Variants in ZNF536 observed in about 807,000 individuals in gnomAD.
ZNF536 encodes the protein zinc finger protein 536.
ZNF536 carries 13 observed loss-of-function variants against 84.5 expected under a neutral mutation model. The ratio of observed to expected loss-of-function variants is 0.15; its 90% CI spans 0.10 to 0.24. The LOEUF (loss-of-function observed/expected upper bound fraction) is 0.24. ZNF536 is among the 10% of genes least tolerant of loss of function. ZNF536 has a pLI of 1.00. For missense variants in ZNF536, 1,536 were observed against 1,747.5 expected (o/e 0.88, Z 2.16); for synonymous variants, 811 against 742.5 (o/e 1.09, Z -1.50).
intron 2 of ZNF536, among the ~76,000 whole-genome samples, chr19:30,519,202 T>G (rs1568508942): frequency 6.6e-6 from 1 of 152,228 alleles, no homozygotes; most frequent in Non-Finnish European, 1.5e-5. Flanking sequence ...TCAAGCCACC[T>G]GCCTCCCCCA....
chr19:30,608,596 T>C (rs1203042801), intron 1 of ZNF536, among the ~76,000 whole-genome samples: 2 of 152,164 alleles, frequency 1.3e-5, no homozygotes, highest in African/African-American at 2.4e-5. Context: ...CCATATTGGT[T>C]GATGGCTATA....
chr19:30,239,902 T>C (rs1017824312), intron 1 of ZNF536, among the ~76,000 whole-genome samples: 28 of 152,266 alleles, frequency 1.8e-4, no homozygotes, highest in African/African-American at 6.5e-4. Context: ...TGAGGCAAGG[T>C]TGCCTTTCAT....
At chr19:30,513,283 G>C (rs58669318) in intron 2 of ZNF536, among the ~76,000 whole-genome samples, 1 of 152,072 alleles carries the variant, frequency 6.6e-6, no homozygotes, top group Non-Finnish European at 1.5e-5. Context: ...TCTTGTGTGC[G>C]CAAGAAAATA....
At chr19:30,703,563 C>G (rs2052089439) in intron 1 of ZNF536, among the ~76,000 whole-genome samples, 1 of 152,160 alleles carries the variant, frequency 6.6e-6, no homozygotes, top group Non-Finnish European at 1.5e-5. Flanking sequence ...CCAGATCCCC[C>G]ATTCAAATGC....
intron 1 of ZNF536, among the ~76,000 whole-genome samples, chr19:30,248,594 T>C (rs965734003): frequency 7.9e-5 from 12 of 152,088 alleles, no homozygotes; most frequent in African/African-American, 2.9e-4. Context: ...TCTTGAAAGG[T>C]ATAGCTGCAG....
At chr19:30,623,836 G>A (rs147769558) in intron 1 of ZNF536, among the ~76,000 whole-genome samples, 76 of 152,296 alleles carry the variant, frequency 5.0e-4, no homozygotes, top group African/African-American at 1.8e-3. Flanking sequence ...AGTGGATCCC[G>A]TAGCACTCTG....
intron 1 of ZNF536, among the ~76,000 whole-genome samples, chr19:30,412,282 G>A (rs1446885130): frequency 6.6e-6 from 1 of 151,922 alleles, no homozygotes; most frequent in Non-Finnish European, 1.5e-5. Context: ...CCAGGACAGA[G>A]TGTCTTGTTG....
At position 30,417,148 on chromosome 19, in the gene ZNF536, ATTTTTTTTTTTTT is replaced by A. The variant is rs71173904; in HGVS notation, c.-2-26397_-2-26385del. On this transcript the variant is annotated intron_variant, in intron 1 of 4. Transcript: ENST00000355537. Reference sequence around the variant, plus strand: ...GCCACCACGCCAGGCTAATTTTTGTATTTTTTTTTTTTTTTTTTTTTTTTTTTTAGTAGAAACA... The same window carrying A: ...GCCACCACGCCAGGCTAATTTTTGTATTTTTTTTTTTTTTTAGTAGAAACA... Among the ~76,000 whole-genome samples the A allele has an allele frequency of 1.0e-4, 10 of 100,238 alleles. 1 individual carries two copies. The East Asian group carries it at 2.0e-3, about 20-fold the overall frequency. The allele number at this position is 100,238 out of a possible 152,430, so 65.8% of individuals were successfully genotyped here.
chr19:30,587,859 C>T (rs1219891918), intron 1 of ZNF536, among the ~76,000 whole-genome samples: 1 of 152,244 alleles, frequency 6.6e-6, no homozygotes, highest in Non-Finnish European at 1.5e-5. Flanking sequence ...AATTTGCAGC[C>T]TGTAGCAGTG....
chr19:30,259,129 T>C (rs2025060841), intron 1 of ZNF536, among the ~76,000 whole-genome samples: 1 of 152,196 alleles, frequency 6.6e-6, no homozygotes, highest in Admixed American at 6.5e-5. Context: ...CCCCGCTTTT[T>C]CATTTTGTTT....
intron 1 of ZNF536, among the ~76,000 whole-genome samples, chr19:30,660,435 T>C (rs1399007087): frequency 1.3e-5 from 2 of 152,218 alleles, no homozygotes; most frequent in Non-Finnish European, 2.9e-5. Context: ...TTTGGCAGCG[T>C]GGAAATAAAA....
chr19:30,230,957 A>G (rs1221035927), intron 1 of ZNF536, among the ~76,000 whole-genome samples: 2 of 148,058 alleles, frequency 1.4e-5, no homozygotes, highest in Non-Finnish European at 3.0e-5. Flanking sequence ...GATACTCATG[A>G]GAATATAGAT....
intron 3 of ZNF536, among the ~76,000 whole-genome samples, chr19:30,545,983 G>A (rs1418973623): frequency 6.6e-6 from 1 of 152,184 alleles, no homozygotes; most frequent in Admixed American, 6.5e-5. Context: ...TGGCCCTCCC[G>A]CAGGGCTTGC....
intron 1 of ZNF536, among the ~76,000 whole-genome samples, chr19:30,398,578 C>T (rs769273955): frequency 8.6e-5 from 13 of 151,996 alleles, no homozygotes; most frequent in Non-Finnish European, 1.5e-4. Flanking sequence ...TGTGATGTTC[C>T]CCTCCCTGTG....
chr19:30,277,885 G>T (rs1226086737), intron 1 of ZNF536, among the ~76,000 whole-genome samples: 1 of 152,194 alleles, frequency 6.6e-6, no homozygotes, highest in South Asian at 2.1e-4. Context: ...CCATTTCTCC[G>T]TTGGTATGTC....
intron 1 of ZNF536, among the ~76,000 whole-genome samples, chr19:30,703,825 T>C (rs1477337147): frequency 6.6e-6 from 1 of 152,196 alleles, no homozygotes; most frequent in Non-Finnish European, 1.5e-5. Flanking sequence ...CTCACAGCAC[T>C]CCTGTGATAT....
At chr19:30,694,676 T>C (rs937168473) in intron 1 of ZNF536, among the ~76,000 whole-genome samples, 3 of 79,000 alleles carry the variant, frequency 3.8e-5, no homozygotes, top group African/African-American at 1.0e-4. Context: ...ATGAATTACA[T>C]TTTTTTTTAA....
chr19:30,436,161 C>T lies in ZNF536; in HGVS notation c.-2-7400C>T, dbSNP rs75176782. Among the ~76,000 whole-genome samples, 246 of 152,290 alleles carry T rather than the reference C, an allele frequency of 1.6e-3. 3 individuals carry two copies. The highest frequency in any genetic ancestry group is 5.8e-3 in the African/African-American group (241 of 41,576). On this transcript the variant is annotated intron_variant, in intron 1 of 4. Transcript: ENST00000355537. ...TTGACTTTGGCCAATGTTCCATCCC[C>T]AAGGGGACACTTGGGAATTTGACTA...
chr19:30,547,914 C>CT (rs747339749), intron 3 of ZNF536, 29 bp from the exon 4 acceptor site: 17 of 1,512,492 alleles, frequency 1.1e-5, no homozygotes, highest in Middle Eastern at 1.8e-4. Context: ...ATAAACGCCT[C>CT]TTTTTTTTCT....
Sources: gnomAD v4.1 joint callset for allele counts (sites outside exome capture counted in the v4.1 genomes callset) on GRCh38, gnomAD v4.1.1 for gene constraint, MANE v1.5 for transcripts, NCBI Gene and HGNC (gene_info 2026-07-23, HGNC 2026-07-21) for gene names.